Variants in NELL1 observed in about 807,000 individuals in gnomAD.
NELL1 encodes the protein protein kinase C-binding protein NELL1.
In NELL1, 76 loss-of-function variants were observed where a neutral mutation model predicts 107.4. That is an observed-to-expected ratio of 0.71 (90% CI 0.59 to 0.86). The LOEUF is 0.86. NELL1 is among the 40% of genes least tolerant of loss of function. NELL1 has a pLI of 0.00. For synonymous variants in NELL1, 353 were observed against 341.2 expected (o/e 1.03, Z -0.38); for missense variants, 1,024 against 1,005.5 (o/e 1.02, Z -0.25).
intron 7 of NELL1, among the ~76,000 whole-genome samples, chr11:20,922,788 C>G (rs988144734): frequency 2.0e-5 from 3 of 152,018 alleles, no homozygotes; most frequent in African/African-American, 7.2e-5. Flanking sequence ...ATATTTATAG[C>G]TTTGAGTAAG....
chr11:20,889,769 C>T (rs900537936), intron 5 of NELL1, among the ~76,000 whole-genome samples: 3 of 152,128 alleles, frequency 2.0e-5, no homozygotes, highest in African/African-American at 7.2e-5. Flanking sequence ...GAGAGCCACA[C>T]GGGAAAGGGG....
chr11:20,819,073 A>G (rs1238698522), intron 3 of NELL1, among the ~76,000 whole-genome samples: 1 of 152,182 alleles, frequency 6.6e-6, no homozygotes, highest in Non-Finnish European at 1.5e-5. Flanking sequence ...ATTTTCTTAA[A>G]CAGTATATTT....
chr11:21,022,410 A>G (rs1172864924), intron 12 of NELL1, among the ~76,000 whole-genome samples: 1 of 152,136 alleles, frequency 6.6e-6, no homozygotes, highest in East Asian at 1.9e-4. Flanking sequence ...GTAATTGCAT[A>G]AAAGGAAATT....
chr11:20,917,425 G>A (rs1451774299), intron 5 of NELL1, among the ~76,000 whole-genome samples: 2 of 151,924 alleles, frequency 1.3e-5, no homozygotes, highest in Non-Finnish European at 1.5e-5. Context: ...AAGACTTGCA[G>A]CACTCTCTTA....
chr11:21,388,402 G>A (rs975616321), intron 15 of NELL1, among the ~76,000 whole-genome samples: 9 of 151,814 alleles, frequency 5.9e-5, no homozygotes, highest in Non-Finnish European at 1.2e-4. Flanking sequence ...AGTAGGTAGT[G>A]AAGAGTCATA....
chr11:21,101,644 G>A (rs1854818153), intron 12 of NELL1, among the ~76,000 whole-genome samples: 1 of 152,140 alleles, frequency 6.6e-6, no homozygotes, highest in Non-Finnish European at 1.5e-5. Flanking sequence ...CTTCTTTTGA[G>A]AAGTGTCTGT....
At chr11:20,809,689 T>C (rs1325596109) in intron 3 of NELL1, among the ~76,000 whole-genome samples, 1 of 152,204 alleles carries the variant, frequency 6.6e-6, no homozygotes, top group Admixed American at 6.5e-5. Context: ...TTGCCACAAA[T>C]GACAGAATTT....
At chr11:21,094,516 C>T (rs61880817) in intron 12 of NELL1, among the ~76,000 whole-genome samples, 1 of 152,230 alleles carries the variant, frequency 6.6e-6, no homozygotes, top group East Asian at 1.9e-4. Flanking sequence ...TTCCCTTCCA[C>T]ACCGCCCTAG....
chr11:21,033,432 A>G (rs1238521033), intron 12 of NELL1, among the ~76,000 whole-genome samples: 1 of 151,956 alleles, frequency 6.6e-6, no homozygotes, highest in Non-Finnish European at 1.5e-5. Flanking sequence ...GTTACCCTCT[A>G]TGTGTCCATT....
At chr11:20,963,000 A>G (rs1028113293) in intron 12 of NELL1, among the ~76,000 whole-genome samples, 1 of 152,134 alleles carries the variant, frequency 6.6e-6, no homozygotes, top group African/African-American at 2.4e-5. Context: ...GGCACAGAGA[A>G]CCCAGTAGAG....
intron 12 of NELL1, among the ~76,000 whole-genome samples, chr11:20,964,137 T>A (rs1851344099): frequency 6.6e-6 from 1 of 152,184 alleles, no homozygotes; most frequent in Non-Finnish European, 1.5e-5. Flanking sequence ...CTAGTTGGAT[T>A]TTAATGTTTT....
At chr11:21,178,763 T>TA (rs35795109) in intron 13 of NELL1, among the ~76,000 whole-genome samples, 2,748 of 143,698 alleles carry the variant, frequency 0.019, 115 homozygotes, top group African/African-American at 0.06. Flanking sequence ...GAACTTGTCT[T>TA]AAAAAAAAAA....
chr11:21,165,027 G>T (rs1410789625), intron 13 of NELL1, among the ~76,000 whole-genome samples: 1 of 151,980 alleles, frequency 6.6e-6, no homozygotes, highest in Non-Finnish European at 1.5e-5. Context: ...TGTTTTGATT[G>T]ACAGCATTTT....
At chr11:21,053,169 G>T (rs1023576050) in intron 12 of NELL1, among the ~76,000 whole-genome samples, 1 of 152,046 alleles carries the variant, frequency 6.6e-6, no homozygotes, top group Admixed American at 6.6e-5. Context: ...TGTACAGAAT[G>T]TGCAGGTTTG....
At chr11:21,557,424 TA>T (rs1425470952) in intron 16 of NELL1, among the ~76,000 whole-genome samples, 6 of 152,058 alleles carry the variant, frequency 3.9e-5, no homozygotes, top group Non-Finnish European at 5.9e-5. Flanking sequence ...CCAAATATTT[TA>T]AAAGCATAAT....
intron 14 of NELL1, among the ~76,000 whole-genome samples, chr11:21,235,421 C>T (rs953352014): frequency 3.3e-5 from 5 of 152,052 alleles, no homozygotes; most frequent in African/African-American, 9.7e-5. Flanking sequence ...GGCTTAGGGT[C>T]GGACTCAATC....
At chr11:20,985,061 C>T (rs975997819) in intron 12 of NELL1, among the ~76,000 whole-genome samples, 1 of 152,092 alleles carries the variant, frequency 6.6e-6, no homozygotes, top group Non-Finnish European at 1.5e-5. Flanking sequence ...TGTGATTCAC[C>T]TGGTCAACTT....
chr11:21,058,890 T>A (rs1484380651), intron 12 of NELL1, among the ~76,000 whole-genome samples: 1 of 150,702 alleles, frequency 6.6e-6, no homozygotes, highest in Non-Finnish European at 1.5e-5. Flanking sequence ...CATCTTTTTA[T>A]TGTTATCTTT....
At chr11:21,311,093 C>T (rs1849740401) in intron 14 of NELL1, among the ~76,000 whole-genome samples, 2 of 152,062 alleles carry the variant, frequency 1.3e-5, no homozygotes, top group South Asian at 4.1e-4. Context: ...TGTTTAATGA[C>T]TCTGAAGCAG....
Sources: allele counts gnomAD v4.1 joint callset (sites outside exome capture counted in the v4.1 genomes callset), GRCh38; gene constraint gnomAD v4.1.1; transcripts MANE v1.5; gene names NCBI Gene and HGNC (gene_info 2026-07-23, HGNC 2026-07-21).